Variants in ARHGAP15 observed in about 807,000 individuals in gnomAD.
ARHGAP15 encodes the protein Rho GTPase activating protein 15, also known as rho GTPase-activating protein 15.
ARHGAP15 carries 51 observed loss-of-function variants against 63.7 expected under a neutral mutation model. That is an observed-to-expected ratio of 0.80 (90% CI 0.64 to 1.01). The LOEUF (loss-of-function observed/expected upper bound fraction) is 1.01, where lower values mean the gene tolerates loss of function less well. Ranked by LOEUF, ARHGAP15 falls within the 50% of genes least tolerant of loss-of-function variation. The probability of loss-of-function intolerance (pLI) is 0.00; values close to 1 mark genes in which losing one functional copy is unlikely to be tolerated. For synonymous variants in ARHGAP15, 191 were observed against 193.8 expected (o/e 0.99, Z 0.12); for missense variants, 560 against 564.6 (o/e 0.99, Z 0.08).
chr2:143,720,911 T>A (rs1357999205), intron 13 of ARHGAP15, among the ~76,000 whole-genome samples: 2 of 151,216 alleles, frequency 1.3e-5, no homozygotes, highest in African/African-American at 4.9e-5. Flanking sequence ...CTACTAAACA[T>A]ACAAAAAATT....
intron 13 of ARHGAP15, among the ~76,000 whole-genome samples, chr2:143,738,809 G>C (rs558147281): frequency 3.9e-5 from 6 of 152,038 alleles, no homozygotes; most frequent in African/African-American, 1.4e-4. Flanking sequence ...TGTCCTTAAC[G>C]CCAGGTTAAA....
At chr2:143,732,908 G>GT (rs1167055664) in intron 13 of ARHGAP15, among the ~76,000 whole-genome samples, 2 of 129,328 alleles carry the variant, frequency 1.5e-5, no homozygotes, top group African/African-American at 5.8e-5. Flanking sequence ...TTTTGTTTTT[G>GT]GGTTTTTTTT....
chr2:143,684,458 C>A (rs1339107173), intron 12 of ARHGAP15, among the ~76,000 whole-genome samples: 2 of 151,776 alleles, frequency 1.3e-5, no homozygotes, highest in East Asian at 1.9e-4. Flanking sequence ...TAGGATGGAT[C>A]ATCTCATCTC....
chr2:143,706,836 T>G (rs1444427859), intron 13 of ARHGAP15, among the ~76,000 whole-genome samples: 1 of 152,134 alleles, frequency 6.6e-6, no homozygotes, highest in African/African-American at 2.4e-5. Context: ...CAAACTGACA[T>G]TACAGTGATA....
chr2:143,155,770 T>A, intron 2 of ARHGAP15, 115 bp downstream of exon 2: 2 of 1,097,088 alleles, frequency 1.8e-6, no homozygotes, highest in Non-Finnish European at 2.6e-6. Context: ...ATGAGAAAAC[T>A]GTTTTTGTAA....
intron 6 of ARHGAP15, among the ~76,000 whole-genome samples, chr2:143,321,559 A>G (rs1172429881): frequency 1.3e-5 from 2 of 152,230 alleles, no homozygotes; most frequent in Non-Finnish European, 2.9e-5. Context: ...TGAACCAATA[A>G]CTATGAGCAG....
chr2:143,155,780 A>T, intron 2 of ARHGAP15, 125 bp downstream of exon 2: 1 of 959,988 alleles, frequency 1.0e-6, no homozygotes. Context: ...TGTTTTTGTA[A>T]TGCATTTTAT....
At chr2:143,170,363 G>A (rs1246403659) in intron 2 of ARHGAP15, among the ~76,000 whole-genome samples, 1 of 152,148 alleles carries the variant, frequency 6.6e-6, no homozygotes, top group Non-Finnish European at 1.5e-5. Flanking sequence ...ATAACTTGAT[G>A]AGAGACTACT....
chr2:143,706,689 G>A (rs1289514768), intron 13 of ARHGAP15: 2 of 152,170 alleles, frequency 1.3e-5, no homozygotes, highest in Non-Finnish European at 2.9e-5. Flanking sequence ...TAGTCTCAGA[G>A]TCCAGAGTCT....
intron 6 of ARHGAP15, among the ~76,000 whole-genome samples, chr2:143,330,109 AAAAAAAAAAAAAAAAAAAAAAAC>A (rs1684455195): frequency 1.2e-5 from 1 of 83,828 alleles, no homozygotes; most frequent in Non-Finnish European, 2.4e-5. Context: ...AAAAAAAAAA[AAAAAAAAAAAAAAAAAAAAAAAC>A]CAAAAACAAA....
chr2:143,209,552 T>TAAA (rs1692486826), intron 3 of ARHGAP15, among the ~76,000 whole-genome samples: 1 of 144,324 alleles, frequency 6.9e-6, no homozygotes, highest in Non-Finnish European at 1.5e-5. Flanking sequence ...CAAAATGTGC[T>TAAA]ATGATAAAAA....
At chr2:143,532,283 G>A (rs1462835141) in intron 10 of ARHGAP15, among the ~76,000 whole-genome samples, 4 of 152,194 alleles carry the variant, frequency 2.6e-5, no homozygotes, top group Non-Finnish European at 4.4e-5. Context: ...ACCTGTTACA[G>A]TATAGAGTTC....
At chr2:143,271,697 C>G (rs1681292896) in intron 6 of ARHGAP15, among the ~76,000 whole-genome samples, 1 of 152,182 alleles carries the variant, frequency 6.6e-6, no homozygotes, top group Non-Finnish European at 1.5e-5. Context: ...GGGATAGTCT[C>G]GCGCTCCTGA....
intron 13 of ARHGAP15, among the ~76,000 whole-genome samples, chr2:143,742,299 G>C (rs955159579): frequency 6.6e-6 from 1 of 152,216 alleles, no homozygotes; most frequent in Non-Finnish European, 1.5e-5. Context: ...TTCTGACTTA[G>C]GGTGAGACAT....
intron 11 of ARHGAP15, among the ~76,000 whole-genome samples, chr2:143,561,942 G>A (rs1696047224): frequency 6.6e-6 from 1 of 152,096 alleles, no homozygotes; most frequent in African/African-American, 2.4e-5. Context: ...GTGTTTGTGA[G>A]CACACACACG....
At chr2:143,206,068 A>C (rs1692320496) in intron 3 of ARHGAP15, among the ~76,000 whole-genome samples, 1 of 152,152 alleles carries the variant, frequency 6.6e-6, no homozygotes, top group African/African-American at 2.4e-5. Flanking sequence ...CCCTCAAGCC[A>C]GGAGTAGTAA....
chr2:143,329,728 G>A (rs1684421481), intron 6 of ARHGAP15, among the ~76,000 whole-genome samples: 1 of 152,036 alleles, frequency 6.6e-6, no homozygotes, highest in Non-Finnish European at 1.5e-5. Flanking sequence ...GTCAATTTAT[G>A]TAGAAATTAT....
intron 6 of ARHGAP15, among the ~76,000 whole-genome samples, chr2:143,369,180 C>T (rs1406381140): frequency 6.6e-6 from 1 of 152,024 alleles, no homozygotes; most frequent in Non-Finnish European, 1.5e-5. Context: ...TGTAAGAAGG[C>T]ATCTTATAAC....
chr2:143,747,229 C>T (rs1488858080), intron 13 of ARHGAP15, among the ~76,000 whole-genome samples: 5 of 151,690 alleles, frequency 3.3e-5, no homozygotes, highest in African/African-American at 1.2e-4. Flanking sequence ...CACGTGTATT[C>T]ATGTATCCCA....
Sources: gnomAD v4.1 joint callset for allele counts (sites outside exome capture counted in the v4.1 genomes callset) on GRCh38, gnomAD v4.1.1 for gene constraint, MANE v1.5 for transcripts, NCBI Gene and HGNC (gene_info 2026-07-23, HGNC 2026-07-21) for gene names.